Variants in CCHCR1 observed in about 807,000 individuals in gnomAD.
CCHCR1 encodes coiled-coil alpha-helical rod protein 1.
In CCHCR1, 91 loss-of-function variants were observed where a neutral mutation model predicts 114.6. The observed-to-expected ratio is 0.79, with a 90% CI of 0.67 to 0.94. CCHCR1 has a LOEUF of 0.94. Among genes scored for constraint, CCHCR1 ranks in the 40% least tolerant of loss-of-function variants. The pLI is 0.00. For missense variants in CCHCR1, 899 were observed against 1,079.9 expected, an observed-to-expected ratio of 0.83 and a Z score of 2.35; for synonymous variants, 379 against 428.5, an observed-to-expected ratio of 0.88 and a Z score of 1.43.
rs1217074512 is a variant in CCHCR1, at chr6:31,145,692, G to A, written c.1693+4C>T. ...AGGACGTGGCTCGCAGTTGTCCTAC[G>A]CACCCCGAATGGTGTGGACCTTGCG... On this transcript the variant is annotated splice_donor_region_variant and intron_variant, in intron 11 of 17. Transcript: ENST00000396268. 3.1e-6 allele frequency: 5 copies of A among 1,607,104 alleles called. No individual in the cohort carries two copies. In the East Asian group the frequency reaches 8.9e-5, roughly 29 times the overall value.
chr6:31,151,295 G>A lies in CCHCR1; in HGVS notation c.802-173C>T, dbSNP rs1358454306. 6.6e-6 allele frequency among the ~76,000 whole-genome samples: 1 copy of A among 152,158 alleles called. No individual in the cohort carries two copies. Among genetic ancestry groups the A allele is most frequent in the Non-Finnish European group, 1.5e-5 (1 of 68,014 alleles). ...TCCGCAGCTGCCCCACAACCCATCA[G>A]GAGTTCTTGTCCGATCTCCCCCAAA... On this transcript the variant is annotated intron_variant, in intron 4 of 17. Transcript: ENST00000396268. This position sits in a 1 kb window ranked among gnomAD's most constrained non-coding sequence, Gnocchi z 4.1.
intron 10 of CCHCR1, among the ~76,000 whole-genome samples, chr6:31,146,018 G>A (rs929276260): frequency 2.6e-5 from 4 of 152,206 alleles, no homozygotes; most frequent in African/African-American, 4.8e-5. Context: ...TCTCACAACT[G>A]TGTTTTGCTC....
At chr6:31,153,109 C>G (rs1446990246) in intron 4 of CCHCR1, among the ~76,000 whole-genome samples, 1 of 152,120 alleles carries the variant, frequency 6.6e-6, no homozygotes, top group Admixed American at 6.5e-5. Flanking sequence ...TCCCAAGAAG[C>G]TGGGGGATTA....
At chr6:31,142,923 C>T (rs1773748677) in intron 17 of CCHCR1, 40 bp downstream of exon 17, 9 of 1,591,276 alleles carry the variant, frequency 5.7e-6, no homozygotes, top group African/African-American at 1.3e-5. Context: ...TCCTGAAGTG[C>T]GCGCATTTGT....
Position 31,143,705 on chromosome 6 carries a change from T to C in CCHCR1, c.2168-292A>G, listed in dbSNP as rs777734546. ...GCAATTAGTGTTCACTGTCTTAAAG[T>C]GTGATGATTGCAGCTATATAGGAGA... On this transcript the variant is annotated intron_variant, in intron 15 of 17. Coordinates refer to ENST00000396268, the MANE Select transcript of CCHCR1 (RefSeq NM_001105564.2). The surrounding 1 kb of genome is among the most constrained non-coding windows in gnomAD (Gnocchi z 5.3). Among the ~76,000 whole-genome samples, 1 of 152,166 alleles carries C rather than the reference T, an allele frequency of 6.6e-6. No homozygotes were observed. The highest frequency in any genetic ancestry group is 1.5e-5 in the Non-Finnish European group (1 of 68,030).
In CCHCR1 at chr6:31,154,777, G is replaced by A. The variant is rs924725067; in HGVS notation, c.520C>T (p.Gln174Ter). The change falls in exon 4 of 18, where the codon CAG (glutamine) becomes TAG (stop). Residue 174 changes from glutamine (Q) to a stop codon, truncating the protein, a stop_gained. Transcript: ENST00000396268. LOFTEE classifies it high-confidence loss of function. This position sits in a 1 kb window ranked among gnomAD's most constrained non-coding sequence, Gnocchi z 4.1. ...RGRSWGLEGS[Q>*]ALSQQAEVIV... Reference sequence around the variant, plus strand: ...ACCTCAGCCTGCTGGCTCAGGGCCTGTGACCCCTCCAGCCCCCAGGACCTT... The same window carrying A: ...ACCTCAGCCTGCTGGCTCAGGGCCTATGACCCCTCCAGCCCCCAGGACCTT... 6.2e-7 allele frequency: 1 copy of A among 1,604,948 alleles called. No homozygotes were observed.
chr6:31,150,252 T>C lies in CCHCR1; in HGVS notation c.1213-37A>G, dbSNP rs1291948583. The C allele has an allele frequency of 1.1e-5, 17 of 1,608,082 alleles. No homozygotes were observed. The highest frequency in any genetic ancestry group is 1.4e-5 in the Non-Finnish European group (16 of 1,175,556). On this transcript the variant is annotated intron_variant, in intron 7 of 17. Coordinates refer to ENST00000396268, the MANE Select transcript of CCHCR1 (RefSeq NM_001105564.2). The surrounding 1 kb of genome is among the most constrained non-coding windows in gnomAD (Gnocchi z 5.3). ...GGAGTGGGAGAAAAGTGTGGGCTCC[T>C]GGGGGAGGAGAGGAAGGAGGTGGCA...
chr6:31,145,297 G>C lies in CCHCR1; in HGVS notation c.1745C>G (p.Pro582Arg). 6.2e-7 allele frequency: 1 copy of C among 1,613,936 alleles called. No homozygotes were observed. Among genetic ancestry groups the C allele is most frequent in the South Asian group, 1.1e-5 (1 of 91,076 alleles). The part of the protein sequence containing the change: ...ALAQLRQESC[P>R]LPPPVTDVSL... ...CACGTCTGTGACCGGTGGTGGTAGGGGACAGCTGGGACGGGGAAGAGAAAG... is the reference window on the plus strand; with the variant it reads ...CACGTCTGTGACCGGTGGTGGTAGGCGACAGCTGGGACGGGGAAGAGAAAG... Residue 582 changes from proline to arginine, a missense_variant, in exon 13 of 18, where the codon CCC (proline) becomes CGC (arginine). Pro to Arg is a moderately radical substitution (Grantham distance 103, BLOSUM62 -2). Transcript: ENST00000396268.
chr6:31,143,545 G>C lies in CCHCR1; in HGVS notation c.2168-132C>G, dbSNP rs1561790861. 8 of 916,710 alleles carry C rather than the reference G, an allele frequency of 8.7e-6. No individual in the cohort carries two copies. The highest frequency in any genetic ancestry group is 9.7e-6 in the Non-Finnish European group (6 of 616,708). 56.8% of individuals were successfully genotyped at this position (916,710 alleles called of 1,614,324 possible). ...GGAGGCTGTTCTGCTCTGTGGATCT[G>C]TCTCTTCTGTACAGTTGGAGGGGTG... On this transcript the variant is annotated intron_variant, in intron 15 of 17. Coordinates refer to ENST00000396268, the MANE Select transcript of CCHCR1 (RefSeq NM_001105564.2). The surrounding 1 kb of genome is among the most constrained non-coding windows in gnomAD (Gnocchi z 5.3).
intron 4 of CCHCR1, among the ~76,000 whole-genome samples, chr6:31,152,281 C>CAAA (rs9281230): frequency 8.4e-4 from 104 of 123,936 alleles, no homozygotes; most frequent in East Asian, 2.2e-3. Flanking sequence ...GACTCCATCT[C>CAAA]AAAAAAAAAA....
Position 31,145,221 on chromosome 6 carries a change from T to C in CCHCR1, c.1821A>G (p.Glu607=), listed in dbSNP as rs1347824650. ...LREERNRLDA[E]LQLSARLIQQ... ...GGATGAGGCGGGCACTCAGCTGCAG[T>C]TCTGCATCCAGGCGGTTCCGTTCTT... is the stretch of plus-strand genomic sequence containing the variant. Residue 607 remains glutamate, a synonymous_variant, in exon 13 of 18, where the codon GAA becomes GAG. Coordinates refer to ENST00000396268, the MANE Select transcript of CCHCR1 (RefSeq NM_001105564.2). 6.2e-7 allele frequency: 1 copy of C among 1,613,330 alleles called. No individual in the cohort carries two copies.
chr6:31,150,337 G>A lies in CCHCR1; in HGVS notation c.1212+118C>T, dbSNP rs1452083360. The A allele has an allele frequency of 2.8e-5, 38 of 1,357,110 alleles. No individual in the cohort carries two copies. The highest frequency in any genetic ancestry group is 1.3e-5 in the South Asian group (1 of 79,004). 84.1% of individuals were successfully genotyped at this position (1,357,110 alleles called of 1,614,324 possible). A position where few individuals can be genotyped will look rare whatever the true frequency, so the allele number is the denominator to read the frequency against. ...GAGCTACAGCAAGAGGAGTTCACAGGAAGGAGATCTAAGCAGGTTCTGGGG... is the reference window on the plus strand; with the variant it reads ...GAGCTACAGCAAGAGGAGTTCACAGAAAGGAGATCTAAGCAGGTTCTGGGG... On this transcript the variant is annotated intron_variant, in intron 7 of 17. Coordinates refer to ENST00000396268, the MANE Select transcript of CCHCR1 (RefSeq NM_001105564.2). The surrounding 1 kb of genome is among the most constrained non-coding windows in gnomAD (Gnocchi z 5.3).
At position 31,143,229 on chromosome 6, in the gene CCHCR1, T is replaced by C. The variant is rs1260074525; in HGVS notation, c.2319+33A>G. The C allele has an allele frequency of 5.0e-6, 8 of 1,612,054 alleles. No individual in the cohort carries two copies. The highest frequency in any genetic ancestry group is 6.8e-6 in the Non-Finnish European group (8 of 1,179,690). ...CCAGGAACCAGCCCAGGATGGGCCCTAGTGTCTGCCTGTCTGCCCTCCTGT... is the reference window on the plus strand; with the variant it reads ...CCAGGAACCAGCCCAGGATGGGCCCCAGTGTCTGCCTGTCTGCCCTCCTGT... On this transcript the variant is annotated intron_variant, in intron 16 of 17. Coordinates refer to ENST00000396268, the MANE Select transcript of CCHCR1 (RefSeq NM_001105564.2). The surrounding 1 kb of genome is among the most constrained non-coding windows in gnomAD (Gnocchi z 5.3).
Position 31,143,101 on chromosome 6 carries a change from AAC to A in CCHCR1, c.2351_2352del (p.Arg784LeufsTer16). 1 of 1,612,890 alleles carries A rather than the reference AAC, an allele frequency of 6.2e-7. No homozygotes were observed. The highest frequency in any genetic ancestry group is 2.2e-5 in the East Asian group (1 of 44,872). On this transcript the variant is annotated frameshift_variant, in exon 17 of 18. Transcript: ENST00000396268. LOFTEE classifies it high-confidence loss of function. The surrounding 1 kb of genome is among the most constrained non-coding windows in gnomAD (Gnocchi z 5.3). ...ACTGTCAACAGTCGCTGCTGCTTGTAACGGGAGAGGAGACCTTCCTGCTGCAA... is the reference window on the plus strand; with the variant it reads ...ACTGTCAACAGTCGCTGCTGCTTGTAGGGAGAGGAGACCTTCCTGCTGCAA... ...ATLQQEGLLS[R>X]YKQQRLLTVL...
chr6:31,142,985 C>A lies in CCHCR1; in HGVS notation c.2469G>T (p.Val823=). The part of the protein sequence containing the change: ...CSASAPVAAA[V]PTRESIKGSL... Reference sequence around the variant, plus strand: ...GACCTTTTATGGACTCCCTGGTGGGCACTGCTGCTGCTACAGGTGCAGATG... The same window carrying A: ...GACCTTTTATGGACTCCCTGGTGGGAACTGCTGCTGCTACAGGTGCAGATG... Residue 823 remains valine (V), a synonymous_variant, in exon 17 of 18, where the codon GTG becomes GTT. Coordinates refer to ENST00000396268, the MANE Select transcript of CCHCR1 (RefSeq NM_001105564.2). 3.1e-6 allele frequency: 5 copies of A among 1,612,892 alleles called. No individual in the cohort carries two copies. Among genetic ancestry groups the A allele is most frequent in the Non-Finnish European group, 4.2e-6 (5 of 1,179,986 alleles).
chr6:31,154,444 T>C lies in CCHCR1; in HGVS notation c.801+52A>G. The C allele has an allele frequency of 2.1e-6, 3 of 1,450,104 alleles. No homozygotes were observed. The South Asian group carries it at 3.6e-5, about 17-fold the overall frequency. The allele number at this position is 1,450,104 out of a possible 1,614,324, so 89.8% of individuals were successfully genotyped here. A position where few individuals can be genotyped will look rare whatever the true frequency, so the allele number is the denominator to read the frequency against. Reference sequence around the variant, plus strand: ...CAATACCTGTTCTTTGCTTGGAAGCTACTGCCCAGCTCTCCGTTATGAATT... The same window carrying C: ...CAATACCTGTTCTTTGCTTGGAAGCCACTGCCCAGCTCTCCGTTATGAATT... On this transcript the variant is annotated intron_variant, in intron 4 of 17. Transcript: ENST00000396268. This position sits in a 1 kb window ranked among gnomAD's most constrained non-coding sequence, Gnocchi z 4.1.
intron 3 of CCHCR1, among the ~76,000 whole-genome samples, chr6:31,155,409 C>A (rs972250407): frequency 3.9e-5 from 6 of 151,904 alleles, no homozygotes; most frequent in African/African-American, 1.5e-4. Flanking sequence ...TCGAGATCAT[C>A]CTGGTTAACA....
Position 31,142,627 on chromosome 6 carries a change from T to C in CCHCR1, c.2581A>G (p.Arg861Gly), listed in dbSNP as rs1436873073. The C allele has an allele frequency of 3.1e-6, 5 of 1,613,544 alleles. No individual in the cohort carries two copies. The highest frequency in any genetic ancestry group is 4.2e-6 in the Non-Finnish European group (5 of 1,179,926). ...ATCTGGGGATTGGAGCTGGAGCATC[T>C]GTCAAGGTTGTCTCCTTGACAAACA... The part of the protein sequence containing the change: ...EAVCQGDNLD[R>G]CSSSNPQMSS Residue 861 changes from arginine (R) to glycine (G), a missense_variant, in exon 18 of 18, where the codon AGA becomes GGA. Physicochemically the swap from Arg to Gly is moderately radical, Grantham distance 125 (BLOSUM62 -2). Coordinates refer to ENST00000396268, the MANE Select transcript of CCHCR1 (RefSeq NM_001105564.2).
At position 31,144,487 on chromosome 6, in the gene CCHCR1, G is replaced by A. The variant is rs1030355459; in HGVS notation, c.2167+200C>T. Reference sequence around the variant, plus strand: ...TTGGATTACAGGCATAAGCCACCGCGACCGGCCATATGCTGTTTCTTAATC... The same window carrying A: ...TTGGATTACAGGCATAAGCCACCGCAACCGGCCATATGCTGTTTCTTAATC... On this transcript the variant is annotated intron_variant, in intron 15 of 17. Transcript: ENST00000396268. The surrounding 1 kb of genome is among the most constrained non-coding windows in gnomAD (Gnocchi z 4.6). The A allele has an allele frequency of 1.5e-5, 8 of 522,778 alleles. No homozygotes were observed. Among genetic ancestry groups the A allele is most frequent in the African/African-American group, 3.9e-5 (2 of 51,430 alleles). The allele number at this position is 522,778 out of a possible 1,614,324, so 32.4% of individuals were successfully genotyped here.
Sources: gnomAD v4.1 joint callset for allele counts (sites outside exome capture counted in the v4.1 genomes callset) on GRCh38, gnomAD v4.1.1 for gene constraint, Gnocchi (gnomAD v3.1) non-coding constraint, MANE v1.5 for transcripts, NCBI Gene and HGNC (gene_info 2026-07-23, HGNC 2026-07-21) for gene names.